Variants in ARHGEF7 observed in about 807,000 individuals in gnomAD.
The protein encoded by ARHGEF7 is PAK-interacting exchange factor beta.
ARHGEF7 carries 33 observed loss-of-function variants against 109.8 expected under a neutral mutation model. That is an observed-to-expected ratio of 0.30 (90% CI 0.23 to 0.40). ARHGEF7 has a LOEUF of 0.40. Ranked by LOEUF, ARHGEF7 falls within the 10% of genes least tolerant of loss-of-function variation. The pLI is 1.00. For missense variants in ARHGEF7, 938 were observed against 1,098.5 expected (o/e 0.85, Z 2.07); for synonymous variants, 458 against 424.6 (o/e 1.08, Z -0.97).
chr13:111,280,871 G>A (rs1414895505), intron 15 of ARHGEF7, 194 bp downstream of exon 15: 8 of 600,278 alleles, frequency 1.3e-5, no homozygotes, highest in South Asian at 2.8e-5. Context: ...GAGTGTTCTC[G>A]AGAAACAACC....
chr13:111,230,641 A>G (rs2085914270), intron 5 of ARHGEF7, among the ~76,000 whole-genome samples: 1 of 151,944 alleles, frequency 6.6e-6, no homozygotes. Flanking sequence ...GGGTCTCCTG[A>G]CAGCAGACCC....
rs192230993 is a variant in ARHGEF7, at chr13:111,275,774, C to G, written c.1419+96C>G. On this transcript the variant is annotated intron_variant, in intron 12 of 21. Transcript: ENST00000646102. ...AGGCATCTCAAGCGATGAAAAATGT[C>G]TAATAGAAGCTCTATCTTATAATTT... The G allele has an allele frequency of 1.4e-4, 205 of 1,439,124 alleles. 2 individuals are homozygous for G. In the Admixed American group the frequency reaches 3.3e-3, roughly 23 times the overall value. 89.1% of individuals were successfully genotyped at this position (1,439,124 alleles called of 1,614,324 possible).
At chr13:111,168,666 G>GA (rs1356023370) in intron 2 of ARHGEF7, among the ~76,000 whole-genome samples, 21 of 152,102 alleles carry the variant, frequency 1.4e-4, no homozygotes, top group African/African-American at 3.4e-4. Flanking sequence ...CCCACCCCCA[G>GA]AAAAAAATCA....
In ARHGEF7 at chr13:111,217,781, C is replaced by T. The variant is rs1292140947; in HGVS notation, c.571C>T (p.His191Tyr). ...ELSFSKGDVI[H>Y]VTRVEEGGWW... ...TTCCTTCTCAAAAGGAGACGTCATC[C>T]ATGTCACCCGTGTGGAAGAGGGAGG... Residue 191 changes from histidine (H) to tyrosine (Y), a missense_variant, in exon 5 of 22, where the codon CAT (histidine) becomes TAT (tyrosine). By Grantham distance (83) the His-to-Tyr change is moderately conservative. This residue lies in a region of ARHGEF7 where 585 missense variants were observed against 723.6 expected (regional missense o/e 0.81). Transcript: ENST00000646102. 2 of 1,614,222 alleles carry T rather than the reference C, an allele frequency of 1.2e-6. No individual in the cohort carries two copies. The highest frequency in any genetic ancestry group is 1.7e-6 in the Non-Finnish European group (2 of 1,180,040).
intron 15 of ARHGEF7, among the ~76,000 whole-genome samples, chr13:111,282,024 T>G (rs573483797): frequency 7.9e-5 from 12 of 152,360 alleles, no homozygotes; most frequent in African/African-American, 2.9e-4. Context: ...CTAGAAGGGA[T>G]GTCTTACATA....
rs116897910 is a variant in ARHGEF7, at chr13:111,217,529, G to A, written c.469-150G>A. The A allele has an allele frequency of 6.5e-4, 455 of 695,586 alleles. 4 individuals carry two copies. The East Asian group carries it at 0.012, about 19-fold the overall frequency. The allele number at this position is 695,586 out of a possible 1,614,324, so 43.1% of individuals were successfully genotyped here. On this transcript the variant is annotated intron_variant, in intron 4 of 21. Coordinates refer to ENST00000646102, the MANE Select transcript of ARHGEF7 (RefSeq NM_001354046.2). The stretch of plus-strand genomic sequence containing the variant: ...GAGTGGTGCTGGTGGTGGTCATGGG[G>A]CACTGGAAGGGAGGAAACTGAAATT...
intron 2 of ARHGEF7, among the ~76,000 whole-genome samples, chr13:111,170,369 A>G (rs1166155939): frequency 2.0e-5 from 3 of 152,224 alleles, no homozygotes; most frequent in Non-Finnish European, 4.4e-5. Context: ...AAGTGCTGGG[A>G]TTATAGGCGT....
chr13:111,274,553 T>A (rs1163746105), intron 10 of ARHGEF7, among the ~76,000 whole-genome samples, 178 bp from the exon 11 acceptor site: 1 of 152,158 alleles, frequency 6.6e-6, no homozygotes, highest in Non-Finnish European at 1.5e-5. Context: ...AACTTATATT[T>A]CCCCAAAGTC....
intron 2 of ARHGEF7, among the ~76,000 whole-genome samples, chr13:111,187,309 T>C (rs1462091615): frequency 6.6e-6 from 1 of 152,186 alleles, no homozygotes; most frequent in Non-Finnish European, 1.5e-5. Context: ...TCCAGCGAGA[T>C]GCATCTGAGG....
In ARHGEF7 at chr13:111,283,295, C is replaced by G; in HGVS notation, c.1882C>G (p.Pro628Ala). ...GPLEPPKTPK[P>A]WSLSCLRPAP... ...CCTGGAGCCTCCGAAAACACCCAAG[C>G]CCTGGAGCCTGAGCTGCCTGCGGCC... is the stretch of plus-strand genomic sequence containing the variant. The change falls in exon 16 of 22, where the codon CCC (proline) becomes GCC (alanine). Residue 628 changes from proline (P) to alanine (A), a missense_variant. This residue lies in a region of ARHGEF7 where 585 missense variants were observed against 723.6 expected (regional missense o/e 0.81). Coordinates refer to ENST00000646102, the MANE Select transcript of ARHGEF7 (RefSeq NM_001354046.2). The G allele has an allele frequency of 1.3e-6, 2 of 1,576,326 alleles. No individual in the cohort carries two copies. Among genetic ancestry groups the G allele is most frequent in the African/African-American group, 1.3e-5 (1 of 74,462 alleles).
intron 2 of ARHGEF7, among the ~76,000 whole-genome samples, chr13:111,157,593 A>G (rs2076439060): frequency 6.6e-6 from 1 of 152,138 alleles, no homozygotes; most frequent in South Asian, 2.1e-4. Flanking sequence ...AATGATGATG[A>G]TGATGATGTT....
chr13:111,263,212 T>C (rs181343635), intron 8 of ARHGEF7, among the ~76,000 whole-genome samples: 1 of 152,340 alleles, frequency 6.6e-6, no homozygotes, highest in Admixed American at 6.5e-5. Context: ...TATCTGCTAC[T>C]GAATTAATGA....
At chr13:111,153,331 G>A (rs1023262762) in intron 1 of ARHGEF7, among the ~76,000 whole-genome samples, 4 of 152,192 alleles carry the variant, frequency 2.6e-5, no homozygotes, top group African/African-American at 9.6e-5. Flanking sequence ...TCTGCGCTAG[G>A]GGCCGAGCGG....
intron 9 of ARHGEF7, among the ~76,000 whole-genome samples, chr13:111,269,865 C>G (rs2091993970): frequency 6.6e-6 from 1 of 152,234 alleles, no homozygotes; most frequent in Admixed American, 6.5e-5. Context: ...TTCCTACCTC[C>G]TGCCTTTGTA....
At chr13:111,143,083 C>A (rs954619180) in intron 1 of ARHGEF7, among the ~76,000 whole-genome samples, 2 of 152,100 alleles carry the variant, frequency 1.3e-5, no homozygotes, top group Non-Finnish European at 2.9e-5. Flanking sequence ...AAGGCAGGGC[C>A]GCCATAAAAA....
intron 2 of ARHGEF7, among the ~76,000 whole-genome samples, chr13:111,173,363 C>G (rs1199118226): frequency 3.9e-5 from 6 of 152,202 alleles, no homozygotes; most frequent in Non-Finnish European, 7.3e-5. Flanking sequence ...TCACTTTTAT[C>G]TTCACAGAGT....
intron 1 of ARHGEF7, among the ~76,000 whole-genome samples, chr13:111,124,670 C>A (rs866810224): frequency 6.6e-5 from 10 of 152,216 alleles, no homozygotes; most frequent in Non-Finnish European, 1.3e-4. Flanking sequence ...TGGGATGGGA[C>A]CTTCTAGTCT....
intron 2 of ARHGEF7, among the ~76,000 whole-genome samples, chr13:111,168,027 A>G (rs1032447556): frequency 2.6e-5 from 4 of 151,874 alleles, no homozygotes; most frequent in African/African-American, 9.7e-5. Context: ...TCCAGCCTCG[A>G]TAATGTTCCC....
At chr13:111,294,133 G>T (rs2093368040) in intron 19 of ARHGEF7, 1 of 985,282 alleles carries the variant, frequency 1.0e-6, no homozygotes, top group South Asian at 4.7e-5. Flanking sequence ...CAGAGATGGG[G>T]TTTATGTATG....
Sources: gnomAD v4.1 joint callset for allele counts (sites outside exome capture counted in the v4.1 genomes callset) on GRCh38, gnomAD v4.1.1 for gene constraint, gnomAD v4.1.1 regional missense constraint, MANE v1.5 for transcripts, NCBI Gene and HGNC (gene_info 2026-07-23, HGNC 2026-07-21) for gene names.